ALK: variants seen among roughly 807,000 people sequenced by gnomAD.
ALK encodes the protein ALK tyrosine kinase receptor.
A neutral mutation model predicts 163.1 loss-of-function variants in ALK; 74 were observed. That is an observed-to-expected ratio of 0.45 (90% confidence interval 0.38 to 0.55). The LOEUF (loss-of-function observed/expected upper bound fraction) is 0.55. ALK is among the 20% of genes least tolerant of loss of function. The pLI is 0.00. For synonymous variants in ALK, 960 were observed against 843.2 expected (o/e 1.14, Z -2.40); for missense variants, 2,063 against 2,105.3 (o/e 0.98, Z 0.39).
Position 29,223,362 on chromosome 2 carries a change from C to T in ALK, c.3339G>A (p.Arg1113=). 6.2e-7 allele frequency: 1 copy of T among 1,614,172 alleles called. No homozygotes were observed. The highest frequency in any genetic ancestry group is 8.5e-7 in the Non-Finnish European group (1 of 1,180,042). ...CTCACCGAATGAGGGTGATGTTTTT[C>T]CGCGGCACCTCCTTCAGGTCACTGA... ...SSISDLKEVP[R]KNITLIRGLG... is the part of the protein sequence containing the mutation. The change falls in exon 20 of 29, where the codon CGG becomes CGA. Residue 1113 remains arginine (R), a synonymous_variant. Coordinates refer to ENST00000389048, the MANE Select transcript of ALK (RefSeq NM_004304.5).
Position 29,233,501 on chromosome 2 carries a change from T to C in ALK, c.2487+64A>G. On this transcript the variant is annotated intron_variant, in intron 14 of 28. Transcript: ENST00000389048. ...CTGAGGTGTTTCTATCCCAGGGCTGTCATGAGGCTCTGACATTGCAGATGC... is the reference window on the plus strand; with the variant it reads ...CTGAGGTGTTTCTATCCCAGGGCTGCCATGAGGCTCTGACATTGCAGATGC... 11 of 1,612,024 alleles carry C rather than the reference T, an allele frequency of 6.8e-6. No individual in the cohort carries two copies. In the South Asian group the frequency reaches 1.2e-4, roughly 18 times the overall value.
chr2:29,760,304 T>C (rs1337099429), intron 1 of ALK, among the ~76,000 whole-genome samples: 4 of 152,170 alleles, frequency 2.6e-5, no homozygotes, highest in Non-Finnish European at 4.4e-5. Flanking sequence ...TGCCAACACT[T>C]ACTAACTGGG....
chr2:29,479,068 C>G (rs9309669), intron 4 of ALK, among the ~76,000 whole-genome samples: 124,628 of 152,128 alleles, frequency 0.82, 51,677 homozygotes, highest in Non-Finnish European at 0.89. Flanking sequence ...AGGATGTCTT[C>G]GCTATTGTGA....
chr2:29,202,278 C>T (rs1349254705), intron 26 of ALK, among the ~76,000 whole-genome samples: 1 of 152,206 alleles, frequency 6.6e-6, no homozygotes, highest in African/African-American at 2.4e-5. Flanking sequence ...GGAGCTTCCC[C>T]CCGCCCACCT....
chr2:29,581,561 T>C (rs113577525), intron 3 of ALK, among the ~76,000 whole-genome samples: 1 of 152,252 alleles, frequency 6.6e-6, no homozygotes, highest in East Asian at 1.9e-4. Context: ...CTCCTCTCCC[T>C]GCTGTCAGTG....
At chr2:29,304,009 A>G (rs1666438108) in intron 8 of ALK, among the ~76,000 whole-genome samples, 1 of 152,122 alleles carries the variant, frequency 6.6e-6, no homozygotes, top group African/African-American at 2.4e-5. Flanking sequence ...ACAAACCTGC[A>G]TGTTTATCCC....
At chr2:29,744,388 A>G (rs1000210442) in intron 1 of ALK, among the ~76,000 whole-genome samples, 1 of 152,112 alleles carries the variant, frequency 6.6e-6, no homozygotes, top group Non-Finnish European at 1.5e-5. Context: ...AACAACCCCA[A>G]TACTTAGGGC....
At chr2:29,405,388 C>T (rs949924637) in intron 4 of ALK, among the ~76,000 whole-genome samples, 2 of 152,194 alleles carry the variant, frequency 1.3e-5, no homozygotes, top group African/African-American at 4.8e-5. Context: ...CATGCTGTCT[C>T]CCACCATCAG....
At chr2:29,377,026 C>T (rs1408026920) in intron 5 of ALK, among the ~76,000 whole-genome samples, 1 of 152,194 alleles carries the variant, frequency 6.6e-6, no homozygotes, top group Non-Finnish European at 1.5e-5. Flanking sequence ...CCCACCTGGA[C>T]AAGAACTTGC....
chr2:29,254,380 G>A (rs1383684062), intron 11 of ALK, among the ~76,000 whole-genome samples: 1 of 152,132 alleles, frequency 6.6e-6, no homozygotes, highest in African/African-American at 2.4e-5. Context: ...ACATCTAAAG[G>A]TATGGGCTTG....
intron 4 of ALK, among the ~76,000 whole-genome samples, chr2:29,421,650 G>T (rs953584635): frequency 9.2e-5 from 14 of 151,464 alleles, no homozygotes; most frequent in Non-Finnish European, 1.6e-4. Context: ...ATAAACACCA[G>T]ATTAGAGATG....
At chr2:29,893,262 C>A (rs1369663392) in intron 1 of ALK, among the ~76,000 whole-genome samples, 2 of 152,278 alleles carry the variant, frequency 1.3e-5, no homozygotes, top group Non-Finnish European at 2.9e-5. Context: ...TTATCTACTG[C>A]TCAGCTGCCT....
At chr2:29,625,678 C>T (rs747086204) in intron 3 of ALK, among the ~76,000 whole-genome samples, 2 of 152,242 alleles carry the variant, frequency 1.3e-5, no homozygotes, top group Non-Finnish European at 2.9e-5. Flanking sequence ...GCCTTCTATA[C>T]GCCAGGTGTT....
chr2:29,748,450 G>GTTCTGATT, intron 1 of ALK, among the ~76,000 whole-genome samples: 1 of 152,166 alleles, frequency 6.6e-6, no homozygotes, highest in Non-Finnish European at 1.5e-5. Context: ...GGAAATGCAG[G>GTTCTGATT]TTCTGATTAA....
chr2:29,711,630 G>T (rs904055358), intron 2 of ALK, among the ~76,000 whole-genome samples: 6 of 152,132 alleles, frequency 3.9e-5, no homozygotes, highest in Admixed American at 3.9e-4. Flanking sequence ...GGCAGGGTGG[G>T]GGTTGTGGGA....
intron 1 of ALK, among the ~76,000 whole-genome samples, chr2:29,719,895 G>C (rs911537783): frequency 2.0e-5 from 3 of 152,252 alleles, no homozygotes; most frequent in Admixed American, 1.3e-4. Flanking sequence ...AGTGGGAAGG[G>C]TCTGGGAAGA....
intron 12 of ALK, among the ~76,000 whole-genome samples, chr2:29,242,427 G>A (rs1359177483): frequency 6.6e-6 from 1 of 152,164 alleles, no homozygotes; most frequent in Non-Finnish European, 1.5e-5. Flanking sequence ...GAACTCTTTC[G>A]TATGTTTAAA....
intron 3 of ALK, among the ~76,000 whole-genome samples, chr2:29,554,576 A>T (rs559148550): frequency 6.6e-6 from 1 of 152,306 alleles, no homozygotes; most frequent in South Asian, 2.1e-4. Flanking sequence ...CTGGATTTGG[A>T]AAAGGGAAGG....
At chr2:29,256,463 G>A (rs1458339524) in intron 11 of ALK, among the ~76,000 whole-genome samples, 1 of 152,146 alleles carries the variant, frequency 6.6e-6, no homozygotes, top group African/African-American at 2.4e-5. Context: ...GGACATTCAA[G>A]TTCAGAGGAG....
Sources: allele counts gnomAD v4.1 joint callset (sites outside exome capture counted in the v4.1 genomes callset), GRCh38; gene constraint gnomAD v4.1.1; transcripts MANE v1.5; gene names NCBI Gene and HGNC (gene_info 2026-07-23, HGNC 2026-07-21).